SPOCK1: variants seen among roughly 807,000 people sequenced by gnomAD.
SPOCK1 encodes SPARC (osteonectin), cwcv and kazal like domains proteoglycan 1.
Under a neutral mutation model 55.3 loss-of-function variants are expected in SPOCK1, and 23 were observed. The ratio of observed to expected loss-of-function variants is 0.42; its 90% CI spans 0.30 to 0.59. The LOEUF (loss-of-function observed/expected upper bound fraction) is 0.59, where lower values mean the gene tolerates loss of function less well. Among genes scored for constraint, SPOCK1 ranks in the 20% least tolerant of loss-of-function variants. The probability of loss-of-function intolerance (pLI) is 0.22; values close to 1 mark genes in which losing one functional copy is unlikely to be tolerated. For synonymous variants in SPOCK1, 226 were observed against 221.0 expected (o/e 1.02, Z -0.20); for missense variants, 499 against 552.5 (o/e 0.90, Z 0.97).
At chr5:137,352,137 CT>C (rs1433083506) in intron 2 of SPOCK1, among the ~76,000 whole-genome samples, 1 of 152,200 alleles carries the variant, frequency 6.6e-6, no homozygotes, top group African/African-American at 2.4e-5. Flanking sequence ...ACTTGCCAGC[CT>C]GTTTAGAAGG....
chr5:137,164,272 A>G (rs1249367262), intron 3 of SPOCK1, among the ~76,000 whole-genome samples: 4 of 151,814 alleles, frequency 2.6e-5, no homozygotes, highest in Admixed American at 2.0e-4. Flanking sequence ...GCTCAGCCAC[A>G]CACCGGTCAG....
intron 3 of SPOCK1, among the ~76,000 whole-genome samples, chr5:137,214,430 C>T (rs1266477910): frequency 6.6e-6 from 1 of 152,188 alleles, no homozygotes; most frequent in Non-Finnish European, 1.5e-5. Context: ...CTGAATCCCC[C>T]CTTACAGAAG....
chr5:137,080,167 CT>C (rs1357495570), intron 5 of SPOCK1, among the ~76,000 whole-genome samples: 1 of 152,130 alleles, frequency 6.6e-6, no homozygotes, highest in Admixed American at 6.5e-5. Context: ...ACCCCAGCCC[CT>C]ATATGATAAA....
chr5:137,418,870 C>CT (rs1351940756), intron 2 of SPOCK1, among the ~76,000 whole-genome samples: 1 of 152,056 alleles, frequency 6.6e-6, no homozygotes, highest in Admixed American at 6.6e-5. Context: ...ACATGAAGTC[C>CT]TGCCCATGCC....
intron 2 of SPOCK1, among the ~76,000 whole-genome samples, chr5:137,294,193 T>C (rs1228763547): frequency 6.6e-6 from 1 of 152,162 alleles, no homozygotes; most frequent in Admixed American, 6.5e-5. Context: ...TCGAACCATA[T>C]GGTACTAGAT....
At chr5:137,436,145 G>C (rs1043910182) in intron 2 of SPOCK1, among the ~76,000 whole-genome samples, 2 of 152,144 alleles carry the variant, frequency 1.3e-5, no homozygotes, top group African/African-American at 4.8e-5. Flanking sequence ...GTGACAGAGT[G>C]AGATTCTGTC....
At chr5:137,288,975 A>G (rs1757316833) in intron 2 of SPOCK1, among the ~76,000 whole-genome samples, 1 of 152,264 alleles carries the variant, frequency 6.6e-6, no homozygotes, top group African/African-American at 2.4e-5. Context: ...AAGCAAGGAT[A>G]CATCCTCACC....
intron 3 of SPOCK1, among the ~76,000 whole-genome samples, chr5:137,244,725 A>G (rs1482433353): frequency 6.6e-6 from 1 of 152,186 alleles, no homozygotes; most frequent in Non-Finnish European, 1.5e-5. Flanking sequence ...GCTACCAAAC[A>G]TATTTATGAC....
intron 6 of SPOCK1, among the ~76,000 whole-genome samples, chr5:136,997,549 G>A (rs1751068239): frequency 6.6e-6 from 1 of 152,140 alleles, no homozygotes; most frequent in Admixed American, 6.5e-5. Flanking sequence ...TGAGCTAAAT[G>A]GCCTGCAGGA....
chr5:136,999,229 G>A (rs1384778767), intron 6 of SPOCK1, among the ~76,000 whole-genome samples: 1 of 152,204 alleles, frequency 6.6e-6, no homozygotes, highest in African/African-American at 2.4e-5. Context: ...CGCAGCCTTG[G>A]TGGGGTTGTA....
At chr5:137,300,450 T>C (rs1314260382) in intron 2 of SPOCK1, among the ~76,000 whole-genome samples, 2 of 152,246 alleles carry the variant, frequency 1.3e-5, no homozygotes, top group Admixed American at 6.5e-5. Context: ...TAGAACATAC[T>C]GTTGGCCACA....
chr5:137,062,784 T>C (rs1180039990), intron 6 of SPOCK1, among the ~76,000 whole-genome samples: 9 of 152,082 alleles, frequency 5.9e-5, no homozygotes, highest in Non-Finnish European at 2.9e-5. Context: ...TTCAATTTCA[T>C]CTCCCTCTTT....
intron 7 of SPOCK1, among the ~76,000 whole-genome samples, chr5:136,989,418 G>A (rs1580695967): frequency 6.6e-6 from 1 of 152,158 alleles, no homozygotes; most frequent in Admixed American, 6.5e-5. Flanking sequence ...CAGAATCAAA[G>A]GTCCCGTGCA....
intron 3 of SPOCK1, among the ~76,000 whole-genome samples, chr5:137,247,940 T>C (rs994350964): frequency 6.6e-6 from 1 of 152,182 alleles, no homozygotes; most frequent in Non-Finnish European, 1.5e-5. Context: ...ACACCTCTCA[T>C]TAGGCCCCAC....
At chr5:137,057,611 TCTTACTACAC>T (rs1752324840) in intron 6 of SPOCK1, among the ~76,000 whole-genome samples, 1 of 152,200 alleles carries the variant, frequency 6.6e-6, no homozygotes, top group Non-Finnish European at 1.5e-5. Context: ...CTCATTTGAT[TCTTACTACAC>T]CTGTTGGACT....
At chr5:137,384,381 T>C (rs1751552923) in intron 2 of SPOCK1, among the ~76,000 whole-genome samples, 1 of 152,162 alleles carries the variant, frequency 6.6e-6, no homozygotes, top group Non-Finnish European at 1.5e-5. Flanking sequence ...ATCAAAGCTC[T>C]AGCTTCAATT....
chr5:137,467,803 G>T (rs2149838865), intron 2 of SPOCK1, among the ~76,000 whole-genome samples: 1 of 152,310 alleles, frequency 6.6e-6, no homozygotes, highest in South Asian at 2.1e-4. Context: ...CAGGGGCTCA[G>T]CAAATGGAAG....
intron 3 of SPOCK1, among the ~76,000 whole-genome samples, chr5:137,150,826 T>A (rs1272159960): frequency 6.6e-6 from 1 of 151,220 alleles, no homozygotes; most frequent in Non-Finnish European, 1.5e-5. Context: ...GAAACAGGGA[T>A]CTCAAATCAC....
At chr5:137,099,605 TATAC>T (rs1753222846) in intron 5 of SPOCK1, among the ~76,000 whole-genome samples, 1 of 152,050 alleles carries the variant, frequency 6.6e-6, no homozygotes, top group Non-Finnish European at 1.5e-5. Flanking sequence ...TACACATATA[TATAC>T]ACACACATAT....
Sources: allele counts gnomAD v4.1 joint callset (sites outside exome capture counted in the v4.1 genomes callset), GRCh38; gene constraint gnomAD v4.1.1; transcripts MANE v1.5; gene names NCBI Gene and HGNC (gene_info 2026-07-23, HGNC 2026-07-21).